DLGAP1: variants seen among roughly 807,000 people sequenced by gnomAD.
The protein encoded by DLGAP1 is DLG associated protein 1, also known as disks large-associated protein 1.
In DLGAP1, 11 loss-of-function variants were observed where a neutral mutation model predicts 90.8. That is an observed-to-expected ratio of 0.12 (90% CI 0.08 to 0.20). The LOEUF (loss-of-function observed/expected upper bound fraction) is 0.20. Among genes scored for constraint, DLGAP1 ranks in the 10% least tolerant of loss-of-function variants. The pLI is 1.00. For missense variants in DLGAP1, 1,050 were observed against 1,333.8 expected (o/e 0.79, Z 3.31); for synonymous variants, 558 against 540.7 (o/e 1.03, Z -0.44).
At chr18:4,322,580 T>C (rs2080718532) in intron 1 of DLGAP1, among the ~76,000 whole-genome samples, 1 of 152,116 alleles carries the variant, frequency 6.6e-6, no homozygotes. Context: ...ACAACAGTAA[T>C]CTGGGCAATT....
At chr18:3,797,807 T>G (rs2066076928) in intron 5 of DLGAP1, among the ~76,000 whole-genome samples, 1 of 152,310 alleles carries the variant, frequency 6.6e-6, no homozygotes, top group South Asian at 2.1e-4. Flanking sequence ...GATATGGTTT[T>G]GCTGTGTCCC....
chr18:3,904,018 G>A (rs945766422), intron 3 of DLGAP1, among the ~76,000 whole-genome samples: 1 of 152,188 alleles, frequency 6.6e-6, no homozygotes, highest in Non-Finnish European at 1.5e-5. Flanking sequence ...CATTAATCAA[G>A]CCTAAAACTC....
chr18:3,645,361 A>G (rs1454230272), intron 7 of DLGAP1, among the ~76,000 whole-genome samples: 1 of 144,110 alleles, frequency 6.9e-6, no homozygotes, highest in African/African-American at 2.7e-5. Context: ...TAATACAGAA[A>G]ATGAAAATAA....
At chr18:3,531,475 T>C (rs976764182) in intron 10 of DLGAP1, among the ~76,000 whole-genome samples, 1 of 151,992 alleles carries the variant, frequency 6.6e-6, no homozygotes, top group African/African-American at 2.4e-5. Context: ...CGTACGATAA[T>C]GCATGATAAT....
At chr18:4,264,838 G>A (rs922127786) in intron 1 of DLGAP1, 1 of 152,220 alleles carries the variant, frequency 6.6e-6, no homozygotes, top group Non-Finnish European at 1.5e-5. Flanking sequence ...AAAGGGAGCA[G>A]ATGGCAAGGC....
At chr18:4,283,391 A>T (rs2079601522) in intron 1 of DLGAP1, among the ~76,000 whole-genome samples, 1 of 152,214 alleles carries the variant, frequency 6.6e-6, no homozygotes. Context: ...ATGTAGCAAA[A>T]GGATTAGATT....
rs548522086 is a variant in DLGAP1, at chr18:4,414,246, T to A, written c.-267+40760A>T. Among the ~76,000 whole-genome samples the A allele has an allele frequency of 2.0e-5, 3 of 152,346 alleles. No individual in the cohort carries two copies. The East Asian group carries it at 5.8e-4, about 29-fold the overall frequency. The stretch of plus-strand genomic sequence containing the variant: ...GATAGAGAGAAAAGTAAATTTAAAC[T>A]ATTTATATGAAATGTCTTGGAAGTG... On this transcript the variant is annotated intron_variant, in intron 1 of 12. Transcript: ENST00000315677.
At chr18:3,702,364 T>C (rs921240636) in intron 7 of DLGAP1, among the ~76,000 whole-genome samples, 6 of 152,230 alleles carry the variant, frequency 3.9e-5, no homozygotes, top group African/African-American at 1.4e-4. Context: ...TGCTTCATGG[T>C]GCTCAATTGG....
At chr18:3,873,785 A>G (rs914829173) in intron 4 of DLGAP1, among the ~76,000 whole-genome samples, 1 of 152,190 alleles carries the variant, frequency 6.6e-6, no homozygotes, top group African/African-American at 2.4e-5. Flanking sequence ...CAATCATCAT[A>G]AATGTTAATT....
chr18:4,357,631 G>A (rs2144062358), intron 1 of DLGAP1, among the ~76,000 whole-genome samples: 1 of 152,332 alleles, frequency 6.6e-6, no homozygotes, highest in South Asian at 2.1e-4. Flanking sequence ...TGTAGCTGGA[G>A]TAGCCTACCT....
At chr18:4,351,030 G>C (rs866948943) in intron 1 of DLGAP1, among the ~76,000 whole-genome samples, 2 of 152,092 alleles carry the variant, frequency 1.3e-5, no homozygotes, top group Non-Finnish European at 2.9e-5. Context: ...AGTGAAAATG[G>C]AGAGATTGAC....
chr18:3,977,432 G>GTTT (rs1467413382), intron 3 of DLGAP1, among the ~76,000 whole-genome samples: 2 of 52,748 alleles, frequency 3.8e-5, no homozygotes, highest in African/African-American at 1.7e-4. Flanking sequence ...TGTTTATTCT[G>GTTT]TGTTTTTTTT....
At chr18:3,699,813 G>A (rs342497) in intron 7 of DLGAP1, among the ~76,000 whole-genome samples, 3 of 152,202 alleles carry the variant, frequency 2.0e-5, no homozygotes, top group South Asian at 2.1e-4. Flanking sequence ...GGGCTGCTGC[G>A]TTTCTTTCAG....
chr18:4,199,064 T>C lies in DLGAP1; in HGVS notation c.-266-47777A>G, dbSNP rs143581880. ...ACAAGAAGGAGCCCTACCCCTCACC[T>C]ACTCTACTTTTTATTGGCAATGAAT... On this transcript the variant is annotated intron_variant, in intron 1 of 12. Transcript: ENST00000315677. Among the ~76,000 whole-genome samples, 294 of 152,354 alleles carry C rather than the reference T, an allele frequency of 1.9e-3. 2 individuals carry two copies. The highest frequency in any genetic ancestry group is 6.6e-3 in the African/African-American group (274 of 41,582).
At chr18:3,990,304 T>C (rs1195070116) in intron 3 of DLGAP1, among the ~76,000 whole-genome samples, 2 of 151,946 alleles carry the variant, frequency 1.3e-5, no homozygotes, top group African/African-American at 2.4e-5. Flanking sequence ...TATGCAGCCA[T>C]AAAAAATGAT....
intron 7 of DLGAP1, among the ~76,000 whole-genome samples, chr18:3,622,153 A>G (rs900407204): frequency 3.3e-5 from 5 of 150,852 alleles, no homozygotes; most frequent in African/African-American, 7.3e-5. Context: ...CGCCCAGGCT[A>G]GAGTGCAGTG....
chr18:3,673,408 G>T (rs930560038), intron 7 of DLGAP1, among the ~76,000 whole-genome samples: 6 of 152,122 alleles, frequency 3.9e-5, no homozygotes, highest in Admixed American at 6.5e-5. Context: ...ATTGGTTATC[G>T]TGTACTGTCA....
At chr18:4,235,700 T>C (rs1453987345) in intron 1 of DLGAP1, among the ~76,000 whole-genome samples, 1 of 148,612 alleles carries the variant, frequency 6.7e-6, no homozygotes, top group African/African-American at 2.5e-5. Context: ...TACAGTTTTA[T>C]AAATTTCAAT....
chr18:4,023,631 T>G (rs980895858), intron 2 of DLGAP1, among the ~76,000 whole-genome samples: 1 of 152,224 alleles, frequency 6.6e-6, no homozygotes, highest in Non-Finnish European at 1.5e-5. Context: ...TGTTCCAGTT[T>G]AATTTAAATT....
Sources: allele counts gnomAD v4.1 joint callset (sites outside exome capture counted in the v4.1 genomes callset), GRCh38; gene constraint gnomAD v4.1.1; transcripts MANE v1.5; gene names NCBI Gene and HGNC (gene_info 2026-07-23, HGNC 2026-07-21).